The following ESRRG variants were observed in gnomAD, a reference collection of about 807,000 sequenced individuals.
The protein encoded by ESRRG is estrogen related receptor gamma.
ESRRG carries 13 observed loss-of-function variants against 44.0 expected under a neutral mutation model. That is an observed-to-expected ratio of 0.30 (90% confidence interval 0.19 to 0.47). The LOEUF is 0.47. Ranked by LOEUF, ESRRG falls within the 20% of genes least tolerant of loss-of-function variation. The pLI is 1.00. For missense variants in ESRRG, 395 were observed against 580.6 expected (o/e 0.68, Z 3.29); for synonymous variants, 215 against 214.6 (o/e 1.00, Z -0.02).
In ESRRG at chr1:217,088,478, G is replaced by A. The variant is rs74558502; in HGVS notation, c.-106+1029C>T. On this transcript the variant is annotated intron_variant, in intron 1 of 7. Coordinates refer to the ESRRG transcript ENST00000359162. ...CAACATTGCCCTCTGGTTTATGTTA[G>A]TGAAATCATTTGCTTTCTGTGTGTG... Among the ~76,000 whole-genome samples the A allele has an allele frequency of 5.9e-3, 705 of 119,670 alleles. 16 individuals are homozygous for A. In the East Asian group the frequency reaches 0.075, roughly 13 times the overall value. 78.5% of individuals were successfully genotyped at this position (119,670 alleles called of 152,430 possible). A position where few individuals can be genotyped will look rare whatever the true frequency, so the allele number is the denominator to read the frequency against.
chr1:216,633,292 A>T (rs1420938165), intron 3 of ESRRG, among the ~76,000 whole-genome samples: 1 of 152,162 alleles, frequency 6.6e-6, no homozygotes, highest in Non-Finnish European at 1.5e-5. Context: ...CAGCATGAGC[A>T]AGGTGGTGGC....
At chr1:216,696,540 GAAT>G (rs2080194695) in intron 1 of ESRRG, among the ~76,000 whole-genome samples, 1 of 151,976 alleles carries the variant, frequency 6.6e-6, no homozygotes, top group Admixed American at 6.6e-5. Flanking sequence ...CAAGAACAAA[GAAT>G]AATAGTGTTG....
intron 2 of ESRRG, among the ~76,000 whole-genome samples, chr1:216,789,249 C>T (rs913300988): frequency 2.0e-5 from 3 of 152,044 alleles, no homozygotes; most frequent in Non-Finnish European, 2.9e-5. Flanking sequence ...ACTTCATTGT[C>T]GTCTTATTTT....
At chr1:216,772,270 G>T (rs2093415586) in intron 2 of ESRRG, among the ~76,000 whole-genome samples, 1 of 152,116 alleles carries the variant, frequency 6.6e-6, no homozygotes, top group Admixed American at 6.6e-5. Flanking sequence ...TGCAAAATCT[G>T]CATGGACTGT....
chr1:216,904,392 G>A (rs2059446847), intron 2 of ESRRG, among the ~76,000 whole-genome samples: 1 of 152,094 alleles, frequency 6.6e-6, no homozygotes, highest in Non-Finnish European at 1.5e-5. Context: ...AAACTTCAAA[G>A]TTTAGGGGAT....
chr1:216,941,006 T>C (rs2065138785), intron 1 of ESRRG, among the ~76,000 whole-genome samples: 1 of 152,164 alleles, frequency 6.6e-6, no homozygotes, highest in Non-Finnish European at 1.5e-5. Flanking sequence ...GGCTGGAATT[T>C]GACAGGGTCT....
chr1:216,674,938 A>C (rs563451954), intron 2 of ESRRG, among the ~76,000 whole-genome samples: 1 of 151,956 alleles, frequency 6.6e-6, no homozygotes, highest in Admixed American at 6.6e-5. Flanking sequence ...TTGTGTTCTC[A>C]TCAGCCACAG....
At chr1:216,692,941 G>A (rs540707807) in intron 1 of ESRRG, among the ~76,000 whole-genome samples, 3 of 152,244 alleles carry the variant, frequency 2.0e-5, no homozygotes, top group South Asian at 2.1e-4. Flanking sequence ...GGATGTTCAC[G>A]TAAGGAAACT....
chr1:216,697,231 G>A (rs1394174476), intron 1 of ESRRG, among the ~76,000 whole-genome samples: 1 of 152,142 alleles, frequency 6.6e-6, no homozygotes, highest in African/African-American at 2.4e-5. Flanking sequence ...CTCCCAAAGT[G>A]CTGGAATTAC....
At chr1:217,125,285 G>T (rs1004100981) in intron 1 of ESRRG, among the ~76,000 whole-genome samples, 1 of 152,160 alleles carries the variant, frequency 6.6e-6, no homozygotes, top group Non-Finnish European at 1.5e-5. Flanking sequence ...CCTAGCAGTT[G>T]TTGTCTGTAC....
At chr1:216,507,896 G>A (rs892940981) in intron 6 of ESRRG, among the ~76,000 whole-genome samples, 13 of 152,142 alleles carry the variant, frequency 8.5e-5, no homozygotes, top group Middle Eastern at 3.2e-3. Flanking sequence ...ATTCAATCAA[G>A]CAAAGAAAGG....
chr1:216,629,913 A>C (rs1282121761), intron 3 of ESRRG, among the ~76,000 whole-genome samples: 4 of 152,204 alleles, frequency 2.6e-5, no homozygotes, highest in Non-Finnish European at 1.5e-5. Flanking sequence ...CACTGTTAGA[A>C]TAATGTTCCC....
At chr1:216,971,751 C>T (rs1454719525) in intron 1 of ESRRG, among the ~76,000 whole-genome samples, 1 of 152,098 alleles carries the variant, frequency 6.6e-6, no homozygotes, top group Admixed American at 6.6e-5. Flanking sequence ...TGATTTCTCC[C>T]CAGTAGGACA....
At chr1:216,843,680 A>G (rs2095690166) in intron 2 of ESRRG, among the ~76,000 whole-genome samples, 1 of 152,132 alleles carries the variant, frequency 6.6e-6, no homozygotes, top group Admixed American at 6.6e-5. Context: ...TGTAACATCA[A>G]TTTCTTAAGT....
chr1:216,894,090 T>C (rs1164693855), intron 2 of ESRRG, among the ~76,000 whole-genome samples: 2 of 152,186 alleles, frequency 1.3e-5, no homozygotes, highest in South Asian at 2.1e-4. Flanking sequence ...GTGATTTTCA[T>C]TGTGTTTATA....
At chr1:216,784,877 A>T (rs2094067720) in intron 2 of ESRRG, among the ~76,000 whole-genome samples, 1 of 152,070 alleles carries the variant, frequency 6.6e-6, no homozygotes, top group South Asian at 2.1e-4. Context: ...GATTTTACAT[A>T]ATTTGACCAT....
intron 2 of ESRRG, among the ~76,000 whole-genome samples, chr1:216,899,436 A>T (rs749955678): frequency 2.0e-5 from 3 of 152,228 alleles, no homozygotes; most frequent in Non-Finnish European, 4.4e-5. Context: ...GCTTTGAAGC[A>T]GTCTCAAAGG....
intron 1 of ESRRG, chr1:216,959,592 C>G (rs1255894355): frequency 6.6e-6 from 1 of 152,008 alleles, no homozygotes; most frequent in Non-Finnish European, 1.5e-5. Context: ...AGGGCCGAGG[C>G]AGCAGGATCC....
chr1:217,095,518 G>A (rs962525408), intron 1 of ESRRG, among the ~76,000 whole-genome samples: 16 of 152,162 alleles, frequency 1.1e-4, no homozygotes, highest in Admixed American at 2.0e-4. Context: ...GACTGAGGCC[G>A]GACCTTGGCA....
Sources: gnomAD v4.1 joint callset for allele counts (sites outside exome capture counted in the v4.1 genomes callset) on GRCh38, gnomAD v4.1.1 for gene constraint, MANE v1.5 for transcripts, NCBI Gene and HGNC (gene_info 2026-07-23, HGNC 2026-07-21) for gene names.